ARHGAP22: variants seen among roughly 807,000 people sequenced by gnomAD.
ARHGAP22 encodes the protein Rho GTPase activating protein 22.
Under a neutral mutation model 59.1 loss-of-function variants are expected in ARHGAP22, and 48 were observed. The observed-to-expected ratio is 0.81, with a 90% CI of 0.64 to 1.03. ARHGAP22 has a LOEUF of 1.03. Among genes scored for constraint, ARHGAP22 ranks in the 50% least tolerant of loss-of-function variants. ARHGAP22 has a pLI of 0.00. For missense variants in ARHGAP22, 1,015 were observed against 958.7 expected, an observed-to-expected ratio of 1.06 and a Z score of -0.78; for synonymous variants, 445 against 416.4, an observed-to-expected ratio of 1.07 and a Z score of -0.84.
chr10:48,611,759 C>T (rs577970333), intron 1 of ARHGAP22, among the ~76,000 whole-genome samples: 2 of 151,730 alleles, frequency 1.3e-5, no homozygotes, highest in African/African-American at 4.8e-5. Flanking sequence ...GCCACACCCT[C>T]GATCCCTCCT....
At chr10:48,524,442 G>A (rs938579783) in intron 3 of ARHGAP22, among the ~76,000 whole-genome samples, 1 of 151,866 alleles carries the variant, frequency 6.6e-6, no homozygotes, top group Admixed American at 6.6e-5. Context: ...GGGGTGCCGG[G>A]CCGCGCGCTC....
intron 7 of ARHGAP22, 85 bp from the exon 8 acceptor site, chr10:48,453,510 C>A (rs897014991): frequency 5.1e-6 from 8 of 1,565,396 alleles, no homozygotes; most frequent in Non-Finnish European, 6.1e-6. Flanking sequence ...ACCGCCACAC[C>A]CCTGCTGAGC....
chr10:48,475,385 C>G (rs758908554), intron 4 of ARHGAP22, among the ~76,000 whole-genome samples: 3 of 152,192 alleles, frequency 2.0e-5, no homozygotes, highest in Non-Finnish European at 2.9e-5. Context: ...AATACTCTCT[C>G]TAGCCCAGTC....
the ARHGAP22 span, among the ~76,000 whole-genome samples, chr10:48,432,299 C>T: frequency 7.2e-5 from 11 of 152,144 alleles, no homozygotes; most frequent in African/African-American, 1.2e-4. Flanking sequence ...TAAACTATAG[C>T]GACATTGTAT....
At chr10:48,587,020 G>T (rs2059467822) in intron 1 of ARHGAP22, among the ~76,000 whole-genome samples, 3 of 152,208 alleles carry the variant, frequency 2.0e-5, no homozygotes, top group Non-Finnish European at 4.4e-5. Flanking sequence ...CATCTGTGCT[G>T]CACAGCCCTG....
chr10:48,559,249 G>A (rs1448113338), intron 2 of ARHGAP22, among the ~76,000 whole-genome samples: 2 of 152,222 alleles, frequency 1.3e-5, no homozygotes, highest in Non-Finnish European at 2.9e-5. Context: ...CCTAGGTACA[G>A]AAAGAGTGTG....
At chr10:48,567,692 A>G (rs2058135293) in intron 2 of ARHGAP22, among the ~76,000 whole-genome samples, 1 of 152,050 alleles carries the variant, frequency 6.6e-6, no homozygotes, top group Middle Eastern at 3.2e-3. Flanking sequence ...GACAGCATCC[A>G]CTTCCAGGCC....
intron 3 of ARHGAP22, among the ~76,000 whole-genome samples, chr10:48,547,240 T>C (rs1324123879): frequency 1.3e-5 from 2 of 152,214 alleles, no homozygotes; most frequent in African/African-American, 4.8e-5. Flanking sequence ...CCGCGTGTGG[T>C]GTGTCTGGCG....
intron 3 of ARHGAP22, among the ~76,000 whole-genome samples, chr10:48,519,708 C>T (rs1329163332): frequency 6.6e-6 from 1 of 152,206 alleles, no homozygotes; most frequent in Non-Finnish European, 1.5e-5. Context: ...CGGGCACAGG[C>T]CACCTGCCCA....
intron 1 of ARHGAP22, among the ~76,000 whole-genome samples, chr10:48,629,319 T>C (rs960881771): frequency 6.6e-6 from 1 of 152,234 alleles, no homozygotes; most frequent in African/African-American, 2.4e-5. Context: ...TGATTTTGCC[T>C]TTTGCTCAGT....
At chr10:48,503,711 C>T (rs995054837) in intron 3 of ARHGAP22, among the ~76,000 whole-genome samples, 6 of 152,244 alleles carry the variant, frequency 3.9e-5, no homozygotes, top group African/African-American at 2.4e-5. Context: ...CAATGTGCAT[C>T]GATGTCCCCT....
chr10:48,656,189 G>C (rs2062800099), upstream of ARHGAP22: 1 of 151,732 alleles, frequency 6.6e-6, no homozygotes. Flanking sequence ...TGATGAGCAG[G>C]CGAGCAGGGC....
intron 3 of ARHGAP22, among the ~76,000 whole-genome samples, chr10:48,504,678 G>A (rs1352505907): frequency 6.6e-6 from 1 of 152,196 alleles, no homozygotes; most frequent in Non-Finnish European, 1.5e-5. Flanking sequence ...GAGCTCTTCT[G>A]TGGGGCTCCG....
At chr10:48,592,544 G>A (rs867209425) in intron 1 of ARHGAP22, among the ~76,000 whole-genome samples, 7 of 152,056 alleles carry the variant, frequency 4.6e-5, no homozygotes, top group African/African-American at 9.7e-5. Context: ...CTCCCTCACC[G>A]GCTGTCACTC....
At chr10:48,545,869 G>A (rs1464738711) in intron 3 of ARHGAP22, among the ~76,000 whole-genome samples, 1 of 152,212 alleles carries the variant, frequency 6.6e-6, no homozygotes, top group Non-Finnish European at 1.5e-5. Context: ...CTTGGCTATA[G>A]AATGCCAGCT....
In ARHGAP22 at chr10:48,479,618, G is replaced by T; in HGVS notation, c.451+18C>A. The T allele has an allele frequency of 6.2e-7, 1 of 1,613,898 alleles. No individual in the cohort carries two copies. Among genetic ancestry groups the T allele is most frequent in the South Asian group, 1.1e-5 (1 of 91,034 alleles). On this transcript the variant is annotated intron_variant, in intron 4 of 9. Transcript: ENST00000249601. Reference sequence around the variant, plus strand: ...GGCAAGGGTTCTAGAGGGTGGGCATGCGATCTACGGGCAGTACCTCCGCCC... The same window carrying T: ...GGCAAGGGTTCTAGAGGGTGGGCATTCGATCTACGGGCAGTACCTCCGCCC...
chr10:48,607,619 T>C (rs1337366598), upstream of ARHGAP22, among the ~76,000 whole-genome samples: 1 of 152,148 alleles, frequency 6.6e-6, no homozygotes, highest in Admixed American at 6.5e-5. Context: ...TGACCTCCTA[T>C]AAGCTTTTAT....
At chr10:48,546,999 G>A (rs1387273775) in intron 3 of ARHGAP22, among the ~76,000 whole-genome samples, 1 of 152,182 alleles carries the variant, frequency 6.6e-6, no homozygotes, top group Non-Finnish European at 1.5e-5. Flanking sequence ...AACCCACACA[G>A]TCCCTGAGTA....
downstream of ARHGAP22, among the ~76,000 whole-genome samples, chr10:48,441,343 G>T (rs1564646055): frequency 1.3e-5 from 2 of 152,038 alleles, no homozygotes; most frequent in African/African-American, 4.8e-5. Flanking sequence ...GTAGTGAAAA[G>T]GACTGAAAAC....
Sources: gnomAD v4.1 joint callset for allele counts (sites outside exome capture counted in the v4.1 genomes callset) on GRCh38, gnomAD v4.1.1 for gene constraint, MANE v1.5 for transcripts, NCBI Gene and HGNC (gene_info 2026-07-23, HGNC 2026-07-21) for gene names.